SIPA1L1: variants seen among roughly 807,000 people sequenced by gnomAD.
SIPA1L1 encodes the protein signal-induced proliferation-associated 1-like protein 1.
Under a neutral mutation model 162.7 loss-of-function variants are expected in SIPA1L1, and 26 were observed. That is an observed-to-expected ratio of 0.16 (90% confidence interval 0.12 to 0.22). The LOEUF is 0.22. SIPA1L1 is among the 10% of genes least tolerant of loss of function. The pLI, the probability that SIPA1L1 is intolerant of heterozygous loss-of-function variation, is 1.00. For missense variants in SIPA1L1, 1,874 were observed against 2,241.0 expected (o/e 0.84, Z 3.31); for synonymous variants, 829 against 837.4 (o/e 0.99, Z 0.17).
At chr14:71,653,030 T>C (rs1286148705) in intron 8 of SIPA1L1, among the ~76,000 whole-genome samples, 1 of 152,208 alleles carries the variant, frequency 6.6e-6, no homozygotes, top group Non-Finnish European at 1.5e-5. Flanking sequence ...AATGTTTCAT[T>C]GTTCAGTGTC....
intron 20 of SIPA1L1, 88 bp downstream of exon 20, chr14:71,730,389 G>T (rs905914654): frequency 2.2e-5 from 33 of 1,470,774 alleles, no homozygotes; most frequent in Non-Finnish European, 3.0e-5. Flanking sequence ...TGCTCAGAGA[G>T]GGGTCCTGTA....
rs1431472231 is a variant in SIPA1L1, at chr14:71,364,092, G to A, written c.-465+42911G>A. Reference sequence around the variant, plus strand: ...ACATTCATGACTATTTACTGTATTAGAAGTATTAAAATGGAGAAAATATAA... The same window carrying A: ...ACATTCATGACTATTTACTGTATTAAAAGTATTAAAATGGAGAAAATATAA... On this transcript the variant is annotated intron_variant, in intron 2 of 23. Transcript: ENST00000381232. Among the ~76,000 whole-genome samples the A allele has an allele frequency of 3.3e-5, 5 of 152,122 alleles. No homozygotes were observed. The East Asian group carries it at 9.6e-4, about 29-fold the overall frequency.
chr14:71,482,142 G>C (rs371008621), intron 2 of SIPA1L1, among the ~76,000 whole-genome samples: 162 of 152,252 alleles, frequency 1.1e-3, no homozygotes, highest in Non-Finnish European at 1.9e-3. Flanking sequence ...AGGTTATGCC[G>C]TGTCATCCTC....
intron 17 of SIPA1L1, among the ~76,000 whole-genome samples, chr14:71,719,946 G>A (rs2083570363): frequency 6.6e-6 from 1 of 152,198 alleles, no homozygotes. Flanking sequence ...TATTCCTTCA[G>A]CACTGTAAAT....
Position 71,599,339 on chromosome 14 carries a change from G to C in SIPA1L1, c.1498+9969G>C, listed in dbSNP as rs1035545960. ...CTAATTTTGTATTTTTAGTAGAGAC[G>C]GGGTTTCTCCATGTTGATCAGGCTG... On this transcript the variant is annotated intron_variant, in intron 5 of 23. Transcript: ENST00000381232. Among the ~76,000 whole-genome samples, 64 of 151,320 alleles carry C rather than the reference G, an allele frequency of 4.2e-4. 1 individual carries two copies. The highest frequency in any genetic ancestry group is 1.5e-3 in the African/African-American group (63 of 41,190).
At chr14:71,346,170 T>C (rs908766137) in intron 2 of SIPA1L1, among the ~76,000 whole-genome samples, 4 of 152,194 alleles carry the variant, frequency 2.6e-5, no homozygotes, top group African/African-American at 9.7e-5. Flanking sequence ...CTTCCCAAAG[T>C]GCTGGGATTA....
chr14:71,405,225 A>C (rs192615451), intron 2 of SIPA1L1, among the ~76,000 whole-genome samples: 1 of 152,356 alleles, frequency 6.6e-6, no homozygotes, highest in African/African-American at 2.4e-5. Flanking sequence ...TGAGGAAGTG[A>C]CACCTAAGCT....
intron 2 of SIPA1L1, among the ~76,000 whole-genome samples, chr14:71,429,347 A>T (rs1236261807): frequency 6.6e-6 from 1 of 151,604 alleles, no homozygotes; most frequent in Admixed American, 6.6e-5. Flanking sequence ...ATATAAAAGC[A>T]TTGTATTTTT....
At chr14:71,613,790 T>A (rs2038499765) in intron 5 of SIPA1L1, among the ~76,000 whole-genome samples, 1 of 152,180 alleles carries the variant, frequency 6.6e-6, no homozygotes, top group Non-Finnish European at 1.5e-5. Flanking sequence ...TGGAAGTCGA[T>A]GGCTGATAGG....
chr14:71,412,007 G>A (rs2042441209), intron 2 of SIPA1L1, among the ~76,000 whole-genome samples: 1 of 152,300 alleles, frequency 6.6e-6, no homozygotes, highest in Non-Finnish European at 1.5e-5. Context: ...TACTACTGCA[G>A]ATCAGCTGCC....
At chr14:71,376,961 A>T (rs1422189360) in intron 2 of SIPA1L1, among the ~76,000 whole-genome samples, 2 of 152,256 alleles carry the variant, frequency 1.3e-5, no homozygotes, top group African/African-American at 4.8e-5. Flanking sequence ...TAACAATCTG[A>T]TCTCTCTTTC....
At chr14:71,568,805 C>T (rs959664348) in intron 4 of SIPA1L1, among the ~76,000 whole-genome samples, 2 of 152,142 alleles carry the variant, frequency 1.3e-5, no homozygotes, top group Non-Finnish European at 2.9e-5. Context: ...GGGTCCATTT[C>T]CGTTTTGTAA....
At chr14:71,565,532 C>T (rs2030298221) in intron 4 of SIPA1L1, among the ~76,000 whole-genome samples, 2 of 152,146 alleles carry the variant, frequency 1.3e-5, no homozygotes. Flanking sequence ...TAAAGTCATG[C>T]AGTAAGAAAT....
At chr14:71,642,276 G>T (rs2041793005) in intron 7 of SIPA1L1, among the ~76,000 whole-genome samples, 2 of 152,114 alleles carry the variant, frequency 1.3e-5, no homozygotes, top group South Asian at 4.1e-4. Flanking sequence ...CAGGCAGGGG[G>T]TACCCAGTTA....
At chr14:71,490,676 A>C (rs2049170710) in intron 2 of SIPA1L1, among the ~76,000 whole-genome samples, 1 of 152,216 alleles carries the variant, frequency 6.6e-6, no homozygotes, top group South Asian at 2.1e-4. Flanking sequence ...TAGCTCCTAC[A>C]AAGTGTCATA....
intron 3 of SIPA1L1, among the ~76,000 whole-genome samples, chr14:71,527,170 C>G (rs1420948857): frequency 6.6e-6 from 1 of 151,998 alleles, no homozygotes; most frequent in East Asian, 1.9e-4. Flanking sequence ...TTTCTTCTCC[C>G]CCTAGGACAG....
chr14:71,387,521 AT>A (rs1349075841), intron 2 of SIPA1L1, among the ~76,000 whole-genome samples: 1 of 152,204 alleles, frequency 6.6e-6, no homozygotes, highest in Non-Finnish European at 1.5e-5. Context: ...CAAAGACATC[AT>A]TACTGTAGCC....
intron 2 of SIPA1L1, among the ~76,000 whole-genome samples, chr14:71,471,416 C>T (rs778944316): frequency 1.3e-5 from 2 of 152,174 alleles, no homozygotes; most frequent in Non-Finnish European, 2.9e-5. Flanking sequence ...TTGCAGTGAG[C>T]TGAGATTGTA....
At chr14:71,717,151 G>A (rs1447281447) in intron 17 of SIPA1L1, among the ~76,000 whole-genome samples, 1 of 152,110 alleles carries the variant, frequency 6.6e-6, no homozygotes, top group Non-Finnish European at 1.5e-5. Flanking sequence ...ACCCACCTCG[G>A]CCTCCCAAAG....
Sources: allele counts gnomAD v4.1 joint callset (sites outside exome capture counted in the v4.1 genomes callset), GRCh38; gene constraint gnomAD v4.1.1; transcripts MANE v1.5; gene names NCBI Gene and HGNC (gene_info 2026-07-23, HGNC 2026-07-21).